TBC1D19: variants seen among roughly 807,000 people sequenced by gnomAD.
TBC1D19 encodes the protein TBC1 domain family member 19.
A neutral mutation model predicts 89.0 loss-of-function variants in TBC1D19; 60 were observed. That is an observed-to-expected ratio of 0.67 (90% CI 0.55 to 0.84). The LOEUF (loss-of-function observed/expected upper bound fraction) is 0.84. TBC1D19 is among the 40% of genes least tolerant of loss of function. The pLI, the probability that TBC1D19 is intolerant of heterozygous loss-of-function variation, is 0.00. For missense variants in TBC1D19, 500 were observed against 610.8 expected, an observed-to-expected ratio of 0.82 and a Z score of 1.91; for synonymous variants, 189 against 199.7, an observed-to-expected ratio of 0.95 and a Z score of 0.45.
chr4:26,617,703 G>A (rs1295527561), intron 3 of TBC1D19, among the ~76,000 whole-genome samples: 2 of 152,136 alleles, frequency 1.3e-5, no homozygotes, highest in Non-Finnish European at 2.9e-5. Flanking sequence ...AATGAAAATA[G>A]ATCAATTTAT....
At chr4:26,698,635 A>C (rs1176501283) in intron 13 of TBC1D19, among the ~76,000 whole-genome samples, 1 of 152,214 alleles carries the variant, frequency 6.6e-6, no homozygotes, top group African/African-American at 2.4e-5. Flanking sequence ...ACAGTAACCA[A>C]AACAGCATGG....
At chr4:26,628,847 A>C (rs901440137) in intron 4 of TBC1D19, among the ~76,000 whole-genome samples, 7 of 152,042 alleles carry the variant, frequency 4.6e-5, no homozygotes, top group African/African-American at 1.7e-4. Context: ...CCACTGCTCA[A>C]TGAAATAAAA....
intron 3 of TBC1D19, among the ~76,000 whole-genome samples, chr4:26,619,112 C>T (rs1741873191): frequency 6.6e-6 from 1 of 151,890 alleles, no homozygotes; most frequent in Non-Finnish European, 1.5e-5. Flanking sequence ...TTCAAGTTGT[C>T]TCCTCTTGTT....
the TBC1D19 span, among the ~76,000 whole-genome samples, chr4:26,793,215 G>C: frequency 6.6e-6 from 1 of 152,092 alleles, no homozygotes; most frequent in Non-Finnish European, 1.5e-5. Flanking sequence ...GAAATGTCTG[G>C]GGTGACTAGT....
chr4:26,601,539 G>C (rs528222765), intron 1 of TBC1D19, among the ~76,000 whole-genome samples: 1 of 152,318 alleles, frequency 6.6e-6, no homozygotes, highest in Admixed American at 6.5e-5. Context: ...CAAGATGGGA[G>C]TGAGTTCCCA....
intron 8 of TBC1D19, among the ~76,000 whole-genome samples, chr4:26,665,315 A>G (rs751539762): frequency 6.6e-6 from 1 of 152,178 alleles, no homozygotes; most frequent in Non-Finnish European, 1.5e-5. Flanking sequence ...ATAAATCACT[A>G]ACTTAAGTAA....
intron 12 of TBC1D19, among the ~76,000 whole-genome samples, chr4:26,685,570 T>G (rs1486332754): frequency 6.6e-6 from 1 of 152,234 alleles, no homozygotes; most frequent in Non-Finnish European, 1.5e-5. Flanking sequence ...TAAATTAACA[T>G]GTGAAGTAGT....
intron 12 of TBC1D19, 81 bp downstream of exon 12, chr4:26,683,830 A>G: frequency 9.1e-7 from 1 of 1,096,556 alleles, no homozygotes; most frequent in Non-Finnish European, 1.3e-6. Context: ...AGCCTGTGCT[A>G]TGTATGATAT....
Position 26,590,216 on chromosome 4 carries a change from G to T in TBC1D19, c.99+5924G>T, listed in dbSNP as rs574247101. Among the ~76,000 whole-genome samples the T allele has an allele frequency of 2.6e-5, 4 of 152,252 alleles. No homozygotes were observed. In the South Asian group the frequency reaches 8.3e-4, roughly 32 times the overall value. On this transcript the variant is annotated intron_variant, in intron 1 of 20. Coordinates refer to ENST00000264866, the MANE Select transcript of TBC1D19 (RefSeq NM_018317.4). Reference sequence around the variant, plus strand: ...TTACTACTTGGAATTTAATTCACTTGGTTGTCTTATAGCTTCAGTTTACTG... The same window carrying T: ...TTACTACTTGGAATTTAATTCACTTTGTTGTCTTATAGCTTCAGTTTACTG...
intron 15 of TBC1D19, 40 bp from the exon 16 acceptor site, chr4:26,735,415 G>A: frequency 3.4e-6 from 5 of 1,457,446 alleles, no homozygotes; most frequent in Non-Finnish European, 4.6e-6. Flanking sequence ...TAATCAGTAG[G>A]CCTACTACTT....
the TBC1D19 span, among the ~76,000 whole-genome samples, chr4:26,851,304 CCTAT>C: frequency 0.23 from 33,240 of 145,920 alleles, 3,867 homozygotes; most frequent in Non-Finnish European, 0.26. Context: ...TAATAAATAC[CCTAT>C]CTATCTATCT....
intron 9 of TBC1D19, among the ~76,000 whole-genome samples, chr4:26,668,892 TACTATAGAATCCTTATTTAA>T (rs1712040863): frequency 6.6e-6 from 1 of 151,954 alleles, no homozygotes; most frequent in South Asian, 2.1e-4. Context: ...CTTACAATTA[TACTATAGAATCCTTATTTAA>T]CAATAATAAA....
At chr4:26,822,648 G>C in the TBC1D19 span, among the ~76,000 whole-genome samples, 4 of 152,062 alleles carry the variant, frequency 2.6e-5, no homozygotes, top group African/African-American at 9.7e-5. Flanking sequence ...CAGCAGGCTC[G>C]TTTAAATGGT....
At chr4:26,851,347 A>G in the TBC1D19 span, among the ~76,000 whole-genome samples, 15 of 148,382 alleles carry the variant, frequency 1.0e-4, no homozygotes, top group African/African-American at 3.6e-4. Context: ...CTATCTATCT[A>G]TCTATCTATC....
chr4:26,671,805 T>G (rs1712333939), intron 9 of TBC1D19, among the ~76,000 whole-genome samples: 1 of 151,870 alleles, frequency 6.6e-6, no homozygotes, highest in Admixed American at 6.6e-5. Flanking sequence ...GAGAAGATGT[T>G]TTAACAAAGG....
At chr4:26,632,408 AAAGGAAAATATG>A (rs1560431103) in intron 4 of TBC1D19, among the ~76,000 whole-genome samples, 1 of 151,648 alleles carries the variant, frequency 6.6e-6, no homozygotes, top group East Asian at 1.9e-4. Flanking sequence ...AATACTAGAG[AAAGGAAAATATG>A]AAGAAAATCA....
the TBC1D19 span, among the ~76,000 whole-genome samples, chr4:26,761,579 C>T: frequency 6.6e-6 from 1 of 152,098 alleles, no homozygotes; most frequent in Non-Finnish European, 1.5e-5. Context: ...AAGCTTACTA[C>T]TTCTACTATC....
chr4:26,840,701 A>G, the TBC1D19 span, among the ~76,000 whole-genome samples: 7 of 152,258 alleles, frequency 4.6e-5, no homozygotes, highest in East Asian at 1.4e-3. Context: ...CCTGAGCCCC[A>G]CATTCAGAAG....
intron 11 of TBC1D19, among the ~76,000 whole-genome samples, chr4:26,680,255 C>G (rs1348949800): frequency 6.6e-6 from 1 of 152,166 alleles, no homozygotes; most frequent in Non-Finnish European, 1.5e-5. Context: ...ACTAATACAT[C>G]TGATATCTCA....
Sources: gnomAD v4.1 joint callset for allele counts (sites outside exome capture counted in the v4.1 genomes callset) on GRCh38, gnomAD v4.1.1 for gene constraint, MANE v1.5 for transcripts, NCBI Gene and HGNC (gene_info 2026-07-23, HGNC 2026-07-21) for gene names.